TSC1: variants seen among roughly 807,000 people sequenced by gnomAD.
The protein encoded by TSC1 is TSC complex subunit 1.
Under a neutral mutation model 124.3 loss-of-function variants are expected in TSC1, and 20 were observed. That is an observed-to-expected ratio of 0.16 (90% confidence interval 0.11 to 0.23). TSC1 has a LOEUF of 0.23. Ranked by LOEUF, TSC1 falls within the 10% of genes least tolerant of loss-of-function variation. The pLI is 1.00. For missense variants in TSC1, 1,124 were observed against 1,448.5 expected, an observed-to-expected ratio of 0.78 and a Z score of 3.64; for synonymous variants, 493 against 539.1, an observed-to-expected ratio of 0.91 and a Z score of 1.19.
chr9:132,906,466 T>C lies in TSC1; in HGVS notation c.1438+265A>G. On this transcript the variant is annotated intron_variant, in intron 14 of 22. Coordinates refer to ENST00000298552, the MANE Select transcript of TSC1 (RefSeq NM_000368.5). The surrounding 1 kb of genome is among the most constrained non-coding windows in gnomAD (Gnocchi z 4.1). ...CAGGAGGCTGAGGTGGGCGGATTGC[T>C]TGAGCCTGGGAGGTCAAGGCTGCAG... 1 of 529,762 alleles carries C rather than the reference T, an allele frequency of 1.9e-6. No homozygotes were observed. The highest frequency in any genetic ancestry group is 3.4e-6 in the Non-Finnish European group (1 of 296,146). 32.8% of individuals were successfully genotyped at this position (529,762 alleles called of 1,614,324 possible).
At chr9:132,911,183 G>T in intron 10 of TSC1, 70 bp from the exon 11 acceptor site, 1 of 1,270,888 alleles carries the variant, frequency 7.9e-7, no homozygotes, top group Non-Finnish European at 1.1e-6. Context: ...TTATATCCAT[G>T]GCCAGTGTTC....
At position 132,903,213 on chromosome 9, in the gene TSC1, A is replaced by G. The variant is rs1845474729; in HGVS notation, c.2209-426T>C. Among the ~76,000 whole-genome samples the G allele has an allele frequency of 6.6e-6, 1 of 152,156 alleles. No homozygotes were observed. The highest frequency in any genetic ancestry group is 2.1e-4 in the South Asian group (1 of 4,836). On this transcript the variant is annotated intron_variant, in intron 17 of 22. Coordinates refer to ENST00000298552, the MANE Select transcript of TSC1 (RefSeq NM_000368.5). The surrounding 1 kb of genome is among the most constrained non-coding windows in gnomAD (Gnocchi z 5.9). ...AGCAGGTGCTGCTATTGTTATTTCCATTTTATAGCATGGCTAACAGAGGCT... is the reference window on the plus strand; with the variant it reads ...AGCAGGTGCTGCTATTGTTATTTCCGTTTTATAGCATGGCTAACAGAGGCT...
rs989164525 is a variant in TSC1, at chr9:132,892,119, G to A, written c.*4116C>T. 1 of 233,166 alleles carries A rather than the reference G, an allele frequency of 4.3e-6. No homozygotes were observed. The highest frequency in any genetic ancestry group is 2.2e-5 in the African/African-American group (1 of 45,356). 14.4% of individuals were successfully genotyped at this position (233,166 alleles called of 1,614,324 possible). A position where few individuals can be genotyped will look rare whatever the true frequency, so the allele number is the denominator to read the frequency against. On this transcript the variant is annotated 3_prime_UTR_variant, in exon 23 of 23. Transcript: ENST00000298552. ...CTCTTCCCTCAGGCGAGCAGATAAG[G>A]ACTGCAGGACGGCATGGAAGAGACA... is the stretch of plus-strand genomic sequence containing the variant.
At position 132,906,071 on chromosome 9, in the gene TSC1, A is replaced by G. The variant is rs2131846294; in HGVS notation, c.1507T>C (p.Phe503Leu). The change falls in exon 15 of 23, where the codon TTT (phenylalanine) becomes CTT (leucine). Residue 503 changes from phenylalanine (F) to leucine (L), a missense_variant. Transcript: ENST00000298552. This position sits in a 1 kb window ranked among gnomAD's most constrained non-coding sequence, Gnocchi z 4.1. ...EAEPVVPRGG[F>L]DSPFYRDSLP... ...CTGTCTCGGTAAAAGGGAGAGTCAA[A>G]GCCTCCTCGAGGAACCACAGGCTCT... is the stretch of plus-strand genomic sequence containing the variant. 1 of 1,614,042 alleles carries G rather than the reference A, an allele frequency of 6.2e-7. No individual in the cohort carries two copies. The highest frequency in any genetic ancestry group is 8.5e-7 in the Non-Finnish European group (1 of 1,179,982).
At chr9:132,928,973 C>T in intron 2 of TSC1, 21 bp from the exon 3 acceptor site, 1 of 1,569,940 alleles carries the variant, frequency 6.4e-7, no homozygotes, top group Non-Finnish European at 8.6e-7. Flanking sequence ...GGAAGATGAA[C>T]AGTCACTAAA....
In TSC1 at chr9:132,896,545, C is replaced by T. The variant is rs755396992; in HGVS notation, c.3185G>A (p.Arg1062Gln). The change falls in exon 23 of 23, where the codon CGG becomes CAG. Residue 1062 changes from arginine (R) to glutamine (Q), a missense_variant. By Grantham distance (43) the Arg-to-Gln change is conservative. Coordinates refer to ENST00000298552, the MANE Select transcript of TSC1 (RefSeq NM_000368.5). The surrounding 1 kb of genome is among the most constrained non-coding windows in gnomAD (Gnocchi z 4.5). ...CGCTTCTCCCATAGTCGTCTCCCAC[C>T]GACTGCTGAATGGGCCTGCCCTCTG... ...PHQRAGPFSSRWETTMGEASA... is the reference protein window; with the variant it reads ...PHQRAGPFSSQWETTMGEASA... 6.8e-6 allele frequency: 11 copies of T among 1,614,070 alleles called. No homozygotes were observed. Among genetic ancestry groups the T allele is most frequent in the Middle Eastern group, 1.6e-4 (1 of 6,084 alleles).
intron 8 of TSC1, among the ~76,000 whole-genome samples, chr9:132,915,245 T>G (rs1470793088): frequency 6.6e-6 from 1 of 151,658 alleles, no homozygotes; most frequent in East Asian, 1.9e-4. Context: ...CCGGGGAGGC[T>G]GAAGCAGGAG....
chr9:132,930,426 T>C (rs1847139968), intron 2 of TSC1, among the ~76,000 whole-genome samples: 2 of 151,740 alleles, frequency 1.3e-5, no homozygotes, highest in South Asian at 4.2e-4. Context: ...CCGTCTCTAC[T>C]AAAAATACAA....
intron 4 of TSC1, chr9:132,926,664 T>C (rs1846876998): frequency 5.9e-6 from 1 of 168,770 alleles, no homozygotes; most frequent in Admixed American, 5.6e-5. Context: ...ACTGGAAATG[T>C]AAGATTTCTT....
Position 132,911,575 on chromosome 9 carries a change from TGGAAGAGAAGAACACAG to T in TSC1, c.914-24_914-8del. 7.4e-7 allele frequency: 1 copy of T among 1,343,828 alleles called. No homozygotes were observed. The highest frequency in any genetic ancestry group is 1.0e-6 in the Non-Finnish European group (1 of 1,002,256). The allele number at this position is 1,343,828 out of a possible 1,614,324, so 83.2% of individuals were successfully genotyped here. A position where few individuals can be genotyped will look rare whatever the true frequency, so the allele number is the denominator to read the frequency against. ...GGGGTAGAAGTAGCACACCCTAAAATGGAAGAGAAGAACACAGGGGGTTAGTGTGTGGTTTTAGGTTA... is the reference window on the plus strand; with the variant it reads ...GGGGTAGAAGTAGCACACCCTAAAATGGGGTTAGTGTGTGGTTTTAGGTTA... On this transcript the variant is annotated splice_region_variant and splice_polypyrimidine_tract_variant and intron_variant, in intron 9 of 22. Transcript: ENST00000298552.
At position 132,906,522 on chromosome 9, in the gene TSC1, C is replaced by T; in HGVS notation, c.1438+209G>A. 1 of 552,542 alleles carries T rather than the reference C, an allele frequency of 1.8e-6. No homozygotes were observed. The highest frequency in any genetic ancestry group is 2.0e-5 in the South Asian group (1 of 49,224). The allele number at this position is 552,542 out of a possible 1,614,324, so 34.2% of individuals were successfully genotyped here. ...CATGATCGTACCACTGCACTCCAGC[C>T]AGGGTGACAGAGCAAGACCCTGTCT... is the stretch of plus-strand genomic sequence containing the variant. On this transcript the variant is annotated intron_variant, in intron 14 of 22. Transcript: ENST00000298552. The surrounding 1 kb of genome is among the most constrained non-coding windows in gnomAD (Gnocchi z 4.1).
Position 132,896,127 on chromosome 9 carries a change from C to A in TSC1, c.*108G>T. The A allele has an allele frequency of 6.5e-7, 1 of 1,531,600 alleles. No homozygotes were observed. Among genetic ancestry groups the A allele is most frequent in the Non-Finnish European group, 9.0e-7 (1 of 1,113,778 alleles). 94.9% of individuals were successfully genotyped at this position (1,531,600 alleles called of 1,614,324 possible). On this transcript the variant is annotated 3_prime_UTR_variant, in exon 23 of 23. Transcript: ENST00000298552. This position sits in a 1 kb window ranked among gnomAD's most constrained non-coding sequence, Gnocchi z 4.5. ...AAAGGACCTCCGTCCCATTTCCACA[C>A]ATGAACTTGCACTCAGACCCTGGAA...
chr9:132,898,580 G>C (rs1243775488), intron 20 of TSC1, among the ~76,000 whole-genome samples: 1 of 152,244 alleles, frequency 6.6e-6, no homozygotes, highest in East Asian at 1.9e-4. Flanking sequence ...GGCTGTTCCA[G>C]CTGTGCTAAA....
At chr9:132,917,751 A>G (rs1046312354) in intron 8 of TSC1, among the ~76,000 whole-genome samples, 7 of 152,254 alleles carry the variant, frequency 4.6e-5, no homozygotes, top group South Asian at 4.1e-4. Flanking sequence ...CTATTTACCT[A>G]TATCTCAGAA....
At chr9:132,944,508 C>G in intron 1 of TSC1, 35 bp downstream of exon 1, 2 of 398,508 alleles carry the variant, frequency 5.0e-6, no homozygotes, top group Non-Finnish European at 8.8e-6. Context: ...CAGGAAGCCC[C>G]CATAAAAAGG....
In TSC1 at chr9:132,921,015, C is replaced by A. The variant is rs1201852444; in HGVS notation, c.737+348G>T. On this transcript the variant is annotated intron_variant, in intron 8 of 22. Coordinates refer to ENST00000298552, the MANE Select transcript of TSC1 (RefSeq NM_000368.5). The surrounding 1 kb of genome is among the most constrained non-coding windows in gnomAD (Gnocchi z 4.3). ...GAAGTCCTTTCTCCATTTTGCAAAG[C>A]CAGATTTATATATATGCTAAATTGT... Among the ~76,000 whole-genome samples, 1 of 151,692 alleles carries A rather than the reference C, an allele frequency of 6.6e-6. No individual in the cohort carries two copies. The highest frequency in any genetic ancestry group is 6.6e-5 in the Admixed American group (1 of 15,252).
chr9:132,918,668 T>C (rs1174891655), intron 8 of TSC1, among the ~76,000 whole-genome samples: 1 of 151,908 alleles, frequency 6.6e-6, no homozygotes, highest in South Asian at 2.1e-4. Flanking sequence ...CCCCCAGAGG[T>C]AGTCAGACCC....
At chr9:132,898,574 GTT>G (rs1845208692) in intron 20 of TSC1, among the ~76,000 whole-genome samples, 1 of 152,240 alleles carries the variant, frequency 6.6e-6, no homozygotes, top group Admixed American at 6.5e-5. Context: ...TAATGCGGCT[GTT>G]CCAGCTGTGC....
At position 132,896,366 on chromosome 9, in the gene TSC1, C is replaced by T. The variant is rs760918561; in HGVS notation, c.3364G>A (p.Gly1122Ser). The change falls in exon 23 of 23, where the codon GGC becomes AGC. Residue 1122 changes from glycine (G) to serine (S), a missense_variant. Gly to Ser is a moderately conservative substitution (Grantham distance 56). Transcript: ENST00000298552. This position sits in a 1 kb window ranked among gnomAD's most constrained non-coding sequence, Gnocchi z 4.5. Reference sequence around the variant, plus strand: ...TTGGCTTCCACACCCAAGTCTTTGCCCAGTTCTGTCTTTAGGCTCTCAGAA... The same window carrying T: ...TTGGCTTCCACACCCAAGTCTTTGCTCAGTTCTGTCTTTAGGCTCTCAGAA... ...SLSESLKTEL[G>S]KDLGVEAKIP... 19 of 1,614,052 alleles carry T rather than the reference C, an allele frequency of 1.2e-5. No homozygotes were observed. The highest frequency in any genetic ancestry group is 1.5e-5 in the Non-Finnish European group (18 of 1,180,036).
Sources: allele counts gnomAD v4.1 joint callset (sites outside exome capture counted in the v4.1 genomes callset), GRCh38; gene constraint gnomAD v4.1.1; non-coding constraint Gnocchi (gnomAD v3.1); transcripts MANE v1.5; gene names NCBI Gene and HGNC (gene_info 2026-07-23, HGNC 2026-07-21).